Variants in ZNF506 observed in about 807,000 individuals in gnomAD.
ZNF506 encodes the protein zinc finger protein 506.
ZNF506 carries 10 observed loss-of-function variants against 11.6 expected under a neutral mutation model. The observed-to-expected ratio is 0.86, with a 90% CI of 0.53 to 1.46. ZNF506 has a LOEUF of 1.46. Ranked by LOEUF, ZNF506 falls within the 40% of genes most tolerant of loss-of-function variation. The pLI, the probability that ZNF506 is intolerant of heterozygous loss-of-function variation, is 0.00. For missense variants in ZNF506, 425 were observed against 521.2 expected (o/e 0.82, Z 1.80); for synonymous variants, 156 against 173.3 (o/e 0.90, Z 0.78).
At chr19:19,821,322 A>G (rs1466341047) in intron 1 of ZNF506, among the ~76,000 whole-genome samples, 1 of 152,146 alleles carries the variant, frequency 6.6e-6, no homozygotes, top group Non-Finnish European at 1.5e-5. Context: ...CCCCTGAACA[A>G]TCTGGGAAAG....
chr19:19,818,849 G>T (rs923076982), intron 1 of ZNF506, among the ~76,000 whole-genome samples: 1 of 152,094 alleles, frequency 6.6e-6, no homozygotes, highest in African/African-American at 2.4e-5. Context: ...CTAGCCGGGC[G>T]CAGTGGCGGG....
At chr19:19,802,276 G>A (rs1439469070) in intron 3 of ZNF506, among the ~76,000 whole-genome samples, 1 of 151,850 alleles carries the variant, frequency 6.6e-6, no homozygotes, top group Non-Finnish European at 1.5e-5. Context: ...ATTAAATGCA[G>A]GTATTTTGAA....
chr19:19,807,232 C>G (rs1452114039), intron 1 of ZNF506, among the ~76,000 whole-genome samples, 164 bp from the exon 2 acceptor site: 1 of 152,210 alleles, frequency 6.6e-6, no homozygotes, highest in South Asian at 2.1e-4. Context: ...AATGTATTCT[C>G]TAACTCTGAG....
chr19:19,793,933 G>T lies in ZNF506; in HGVS notation c.*619C>A, dbSNP rs1364388726. 6.6e-6 allele frequency: 1 copy of T among 152,356 alleles called. No homozygotes were observed. The highest frequency in any genetic ancestry group is 2.4e-5 in the African/African-American group (1 of 41,440). 9.4% of individuals were successfully genotyped at this position (152,356 alleles called of 1,614,324 possible). A position where few individuals can be genotyped will look rare whatever the true frequency, so the allele number is the denominator to read the frequency against. ...TTTATTTTTATGTATACAAAAGTTG[G>T]AGGTGGTGGTAAAAGCACTGTTGCA... On this transcript the variant is annotated 3_prime_UTR_variant, in exon 4 of 4. Transcript: ENST00000540806.
At chr19:19,802,617 G>A (rs760825622) in intron 3 of ZNF506, among the ~76,000 whole-genome samples, 9 of 152,292 alleles carry the variant, frequency 5.9e-5, no homozygotes, top group East Asian at 3.9e-4. Context: ...CCTTTTGCCT[G>A]CAGCAAACTT....
chr19:19,806,186 A>G, intron 2 of ZNF506, 60 bp from the exon 3 acceptor site: 2 of 1,275,840 alleles, frequency 1.6e-6, no homozygotes, highest in South Asian at 1.4e-5. Flanking sequence ...ACAAGCTAGT[A>G]CTGTGCTCAG....
At chr19:19,809,621 T>C (rs1369451229) in intron 1 of ZNF506, among the ~76,000 whole-genome samples, 1 of 151,302 alleles carries the variant, frequency 6.6e-6, no homozygotes, top group Non-Finnish European at 1.5e-5. Flanking sequence ...GGTTAACCCA[T>C]TTCTGTCCTT....
chr19:19,817,831 C>CTTTTT (rs35321486), intron 1 of ZNF506, among the ~76,000 whole-genome samples: 3 of 127,642 alleles, frequency 2.4e-5, no homozygotes, highest in African/African-American at 5.9e-5. Context: ...TTTTAAGGTG[C>CTTTTT]TTTTTTTTTT....
At chr19:19,815,098 A>G (rs1036277535) in intron 1 of ZNF506, among the ~76,000 whole-genome samples, 1 of 151,898 alleles carries the variant, frequency 6.6e-6, no homozygotes, top group Non-Finnish European at 1.5e-5. Flanking sequence ...TCTACTAAAA[A>G]TACAAAAAAA....
At position 19,793,620 on chromosome 19, in the gene ZNF506, A is replaced by G. The variant is rs1248824593; in HGVS notation, c.*932T>C. 6.6e-6 allele frequency among the ~76,000 whole-genome samples: 1 copy of G among 152,214 alleles called. No individual in the cohort carries two copies. Among genetic ancestry groups the G allele is most frequent in the East Asian group, 1.9e-4 (1 of 5,206 alleles). On this transcript the variant is annotated 3_prime_UTR_variant, in exon 4 of 4. Transcript: ENST00000540806. ...TCTTTAAAGGCTTATATTTTCTGAA[A>G]GATTTTTTGACAGTAATTGCACTTT...
Position 19,805,956 on chromosome 19 carries a change from T to G in ZNF506, c.226+75A>C, listed in dbSNP as rs1408585261. 3.2e-6 allele frequency: 4 copies of G among 1,265,026 alleles called. No homozygotes were observed. In the East Asian group the frequency reaches 1.0e-4, roughly 31 times the overall value. The allele number at this position is 1,265,026 out of a possible 1,614,324, so 78.4% of individuals were successfully genotyped here. The stretch of plus-strand genomic sequence containing the variant: ...GAACACAGCTTCCCAAATCACATTT[T>G]AAGGACTCGCTTTCTCTTTGACCTT... On this transcript the variant is annotated intron_variant, in intron 3 of 3. Coordinates refer to ENST00000540806, the MANE Select transcript of ZNF506 (RefSeq NM_001099269.3).
chr19:19,808,193 G>A (rs1051749450), intron 1 of ZNF506, among the ~76,000 whole-genome samples: 2 of 128,638 alleles, frequency 1.6e-5, no homozygotes, highest in Non-Finnish European at 3.1e-5. Flanking sequence ...GCGCGATCTC[G>A]GCTCACTGCA....
At chr19:19,799,353 A>G in intron 3 of ZNF506, 1 of 534,904 alleles carries the variant, frequency 1.9e-6, no homozygotes, top group South Asian at 2.7e-5. Flanking sequence ...GCAGTAAAAA[A>G]CAATTATTTC....
chr19:19,800,621 T>C (rs1458529460), intron 3 of ZNF506, among the ~76,000 whole-genome samples: 1 of 151,014 alleles, frequency 6.6e-6, no homozygotes, highest in African/African-American at 2.4e-5. Context: ...TTCCCCATGT[T>C]GGCCAGGATA....
intron 1 of ZNF506, among the ~76,000 whole-genome samples, chr19:19,819,640 T>C (rs1599531212): frequency 6.6e-6 from 1 of 152,152 alleles, no homozygotes; most frequent in Non-Finnish European, 1.5e-5. Flanking sequence ...GAGGGTAATC[T>C]TGACCCAAAA....
At chr19:19,795,750 C>T (rs959305060) in intron 3 of ZNF506, 90 bp from the exon 4 acceptor site, 8 of 1,256,864 alleles carry the variant, frequency 6.4e-6, no homozygotes, top group Admixed American at 6.3e-5. Flanking sequence ...ATACAAACTA[C>T]GTAAGCAAGA....
intron 3 of ZNF506, among the ~76,000 whole-genome samples, chr19:19,801,734 T>C (rs890570442): frequency 6.6e-6 from 1 of 151,550 alleles, no homozygotes; most frequent in Non-Finnish European, 1.5e-5. Context: ...GAGGTTGCAG[T>C]GAGCCGAGAT....
chr19:19,812,107 GAA>G (rs771348005), intron 1 of ZNF506, among the ~76,000 whole-genome samples: 69 of 152,122 alleles, frequency 4.5e-4, no homozygotes, highest in Admixed American at 8.5e-4. Context: ...GGAAACTGGA[GAA>G]ACTCTCATCT....
chr19:19,817,831 CTT>C (rs35321486), intron 1 of ZNF506, among the ~76,000 whole-genome samples: 8 of 127,600 alleles, frequency 6.3e-5, no homozygotes, highest in Admixed American at 8.0e-5. Context: ...TTTTAAGGTG[CTT>C]TTTTTTTTTT....
Sources: allele counts gnomAD v4.1 joint callset (sites outside exome capture counted in the v4.1 genomes callset), GRCh38; gene constraint gnomAD v4.1.1; transcripts MANE v1.5; gene names NCBI Gene and HGNC (gene_info 2026-07-23, HGNC 2026-07-21).